LIN7A: variants seen among roughly 807,000 people sequenced by gnomAD.
LIN7A encodes the protein protein lin-7 homolog A.
LIN7A carries 25 observed loss-of-function variants against 29.8 expected under a neutral mutation model. The ratio of observed to expected loss-of-function variants is 0.84; its 90% CI spans 0.61 to 1.17. The LOEUF is 1.17. Among genes scored for constraint, LIN7A ranks in the 50% most tolerant of loss-of-function variants. LIN7A has a pLI of 0.00. For synonymous variants in LIN7A, 118 were observed against 107.5 expected (o/e 1.10, Z -0.60); for missense variants, 239 against 287.0 (o/e 0.83, Z 1.21).
At chr12:80,824,395 A>G (rs964873839) in intron 4 of LIN7A, among the ~76,000 whole-genome samples, 6 of 152,172 alleles carry the variant, frequency 3.9e-5, no homozygotes, top group Admixed American at 3.9e-4. Flanking sequence ...ACAAAAAAAA[A>G]AGTCCAGGAC....
At chr12:80,815,562 TA>T (rs1478928616) in intron 4 of LIN7A, among the ~76,000 whole-genome samples, 1 of 152,218 alleles carries the variant, frequency 6.6e-6, no homozygotes, top group Non-Finnish European at 1.5e-5. Flanking sequence ...AAGCTGTATA[TA>T]CAAGCACTCC....
intron 2 of LIN7A, among the ~76,000 whole-genome samples, chr12:80,880,668 A>G (rs1327729513): frequency 6.6e-6 from 1 of 152,048 alleles, no homozygotes; most frequent in Non-Finnish European, 1.5e-5. Flanking sequence ...GAAACTCCAT[A>G]TGTACTCCAT....
chr12:80,827,269 C>G (rs921357458), intron 4 of LIN7A, among the ~76,000 whole-genome samples: 1 of 152,046 alleles, frequency 6.6e-6, no homozygotes, highest in Non-Finnish European at 1.5e-5. Context: ...TGCCTGTAGT[C>G]CCAGCTACTC....
At chr12:80,817,310 G>T (rs1003567092) in intron 4 of LIN7A, among the ~76,000 whole-genome samples, 2 of 152,084 alleles carry the variant, frequency 1.3e-5, no homozygotes, top group South Asian at 4.1e-4. Flanking sequence ...TTTTGACCCT[G>T]GCTAGATCTC....
At chr12:80,930,765 A>T (rs1353335208) in intron 1 of LIN7A, among the ~76,000 whole-genome samples, 1 of 152,224 alleles carries the variant, frequency 6.6e-6, no homozygotes, top group Non-Finnish European at 1.5e-5. Flanking sequence ...ATACACAGAG[A>T]GGCAAAGTGA....
chr12:80,814,760 A>T (rs7969402), intron 4 of LIN7A, among the ~76,000 whole-genome samples: 74,970 of 151,882 alleles, frequency 0.49, 19,420 homozygotes, highest in African/African-American at 0.66. Context: ...TCAAAAGCAG[A>T]CTCCACAGTT....
At chr12:80,808,672 A>AT (rs1201709378) in intron 5 of LIN7A, among the ~76,000 whole-genome samples, 1 of 150,648 alleles carries the variant, frequency 6.6e-6, no homozygotes, top group African/African-American at 2.4e-5. Flanking sequence ...CGCCCGGCTA[A>AT]TTTTTTGTAT....
At chr12:80,858,429 C>T (rs961407024) in intron 2 of LIN7A, among the ~76,000 whole-genome samples, 8 of 151,168 alleles carry the variant, frequency 5.3e-5, no homozygotes, top group Non-Finnish European at 7.4e-5. Flanking sequence ...TTAATAACTT[C>T]AAGGAAAAAG....
At chr12:80,886,555 A>C (rs754591983) in intron 2 of LIN7A, among the ~76,000 whole-genome samples, 12 of 152,152 alleles carry the variant, frequency 7.9e-5, no homozygotes, top group Non-Finnish European at 1.8e-4. Context: ...GTTAGCCAAG[A>C]TGAAGTAATC....
intron 4 of LIN7A, among the ~76,000 whole-genome samples, chr12:80,844,677 A>G (rs1010437071): frequency 6.6e-6 from 1 of 152,186 alleles, no homozygotes; most frequent in Non-Finnish European, 1.5e-5. Flanking sequence ...TATGTTTAAT[A>G]TAAGTGGATG....
intron 1 of LIN7A, among the ~76,000 whole-genome samples, chr12:80,909,182 G>C (rs1190449020): frequency 1.3e-5 from 2 of 151,810 alleles, no homozygotes; most frequent in Admixed American, 6.6e-5. Flanking sequence ...TTTTGCATTT[G>C]GTTACCCAAT....
intron 2 of LIN7A, among the ~76,000 whole-genome samples, chr12:80,850,059 T>G (rs1274663855): frequency 6.6e-6 from 1 of 152,164 alleles, no homozygotes; most frequent in Non-Finnish European, 1.5e-5. Context: ...TTGTAAGTGC[T>G]GGAGATAAAT....
At chr12:80,873,677 T>A (rs1247145467) in intron 2 of LIN7A, among the ~76,000 whole-genome samples, 2 of 152,172 alleles carry the variant, frequency 1.3e-5, no homozygotes, top group Non-Finnish European at 2.9e-5. Context: ...CCTCAATGAT[T>A]TATCTGTCAT....
intron 4 of LIN7A, among the ~76,000 whole-genome samples, chr12:80,827,919 G>GT (rs889050685): frequency 1.1e-4 from 17 of 151,748 alleles, no homozygotes; most frequent in Admixed American, 2.0e-4. Flanking sequence ...CATTCTGGAC[G>GT]TTTTTTTTGT....
intron 4 of LIN7A, among the ~76,000 whole-genome samples, chr12:80,833,168 G>A (rs543715283): frequency 1.3e-5 from 2 of 152,216 alleles, no homozygotes; most frequent in East Asian, 3.9e-4. Context: ...TAAAACCTAT[G>A]CCCTTGTTTA....
intron 4 of LIN7A, among the ~76,000 whole-genome samples, chr12:80,834,799 T>C (rs1023226162): frequency 6.6e-6 from 1 of 151,472 alleles, no homozygotes; most frequent in African/African-American, 2.4e-5. Context: ...CAGAACAAGA[T>C]ATAAATCCAT....
At position 80,848,307 on chromosome 12, in the gene LIN7A, G is replaced by A; in HGVS notation, c.217C>T (p.His73Tyr). The change falls in exon 3 of 6, where the codon CAT (histidine) becomes TAT (tyrosine). Residue 73 changes from histidine (H) to tyrosine (Y), a missense_variant. By Grantham distance (83) the His-to-Tyr change is moderately conservative (BLOSUM62 2). Coordinates refer to ENST00000552864, the MANE Select transcript of LIN7A (RefSeq NM_004664.4). ...TAIREVYQYM[H>Y]ETITVNGCPE... ...CAGCCATTAACAGTTATCGTTTCAT[G>A]CATATATTGATACACCTAAAATGTT... 6.2e-7 allele frequency: 1 copy of A among 1,610,410 alleles called. No homozygotes were observed.
chr12:80,838,583 A>G (rs1872681377), intron 4 of LIN7A, among the ~76,000 whole-genome samples: 3 of 152,212 alleles, frequency 2.0e-5, no homozygotes, highest in Non-Finnish European at 2.9e-5. Context: ...ACATGATGTC[A>G]TGCCGAGAAT....
intron 5 of LIN7A, among the ~76,000 whole-genome samples, chr12:80,807,079 T>TTTTTTTTG (rs1555221371): frequency 0.088 from 11,584 of 131,856 alleles, 985 homozygotes; most frequent in East Asian, 0.15. Context: ...TTTTTTTTTT[T>TTTTTTTTG]TTTTTTTTTT....
Sources: gnomAD v4.1 joint callset for allele counts (sites outside exome capture counted in the v4.1 genomes callset) on GRCh38, gnomAD v4.1.1 for gene constraint, MANE v1.5 for transcripts, NCBI Gene and HGNC (gene_info 2026-07-23, HGNC 2026-07-21) for gene names.